The following CNTN1 variants were observed in gnomAD, a reference collection of about 807,000 sequenced individuals.
The protein encoded by CNTN1 is contactin-1.
A neutral mutation model predicts 126.4 loss-of-function variants in CNTN1; 38 were observed. The ratio of observed to expected loss-of-function variants is 0.30; its 90% CI spans 0.23 to 0.39. CNTN1 has a LOEUF of 0.39. Among genes scored for constraint, CNTN1 ranks in the 10% least tolerant of loss-of-function variants. The probability of loss-of-function intolerance (pLI) is 1.00; values close to 1 mark genes in which losing one functional copy is unlikely to be tolerated. For synonymous variants in CNTN1, 413 were observed against 422.6 expected (o/e 0.98, Z 0.28); for missense variants, 1,009 against 1,248.4 (o/e 0.81, Z 2.89).
chr12:40,803,319 T>A (rs984582189), intron 1 of CNTN1, among the ~76,000 whole-genome samples: 1 of 151,990 alleles, frequency 6.6e-6, no homozygotes, highest in Non-Finnish European at 1.5e-5. Flanking sequence ...GAGTTATTCA[T>A]TTGTAAACTG....
At chr12:40,832,388 T>C (rs887238205) in intron 1 of CNTN1, among the ~76,000 whole-genome samples, 1 of 152,198 alleles carries the variant, frequency 6.6e-6, no homozygotes, top group African/African-American at 2.4e-5. Context: ...CATTACCTTT[T>C]TTCTATGTTT....
At chr12:40,824,733 C>T (rs1481581488) in intron 1 of CNTN1, among the ~76,000 whole-genome samples, 1 of 152,116 alleles carries the variant, frequency 6.6e-6, no homozygotes, top group Non-Finnish European at 1.5e-5. Flanking sequence ...ATTTGACAAA[C>T]ATTAAAGCCC....
chr12:40,852,022 G>C (rs940299282), intron 1 of CNTN1, among the ~76,000 whole-genome samples: 1 of 152,126 alleles, frequency 6.6e-6, no homozygotes, highest in African/African-American at 2.4e-5. Flanking sequence ...CAACTGGCTT[G>C]AACTGGACAG....
In CNTN1 at chr12:40,929,973, A is replaced by C. The variant is rs1350465079; in HGVS notation, c.674A>C (p.Lys225Thr). The C allele has an allele frequency of 6.2e-7, 1 of 1,612,478 alleles. No individual in the cohort carries two copies. The highest frequency in any genetic ancestry group is 1.7e-5 in the Admixed American group (1 of 59,918). Residue 225 changes from lysine to threonine, a missense_variant, in exon 7 of 24, where the codon AAA becomes ACA. Transcript: ENST00000551295. ...TCTATTACAAAGAGCGTGTTCAGCA[A>C]ATTCATCCCACTCATTCCAATACCT... is the stretch of plus-strand genomic sequence containing the variant. ...SPSITKSVFS[K>T]FIPLIPIPER...
chr12:41,049,940 C>G (rs1220955231), intron 23 of CNTN1, among the ~76,000 whole-genome samples: 1 of 152,196 alleles, frequency 6.6e-6, no homozygotes, highest in Non-Finnish European at 1.5e-5. Context: ...CTCTATCACC[C>G]AGTCTGGAGT....
intron 1 of CNTN1, among the ~76,000 whole-genome samples, chr12:40,746,336 T>C (rs1192283742): frequency 2.0e-5 from 3 of 152,124 alleles, no homozygotes; most frequent in Non-Finnish European, 4.4e-5. Context: ...GAATCAACCA[T>C]ATAAGCCATT....
Position 40,698,321 on chromosome 12 carries a change from C to G in CNTN1, c.-77+5729C>G, listed in dbSNP as rs550001852. ...CGTGATCTCAGCTCACTGCAAGCTC[C>G]GCCTCCTGGGTTCACATTATTTTCC... On this transcript the variant is annotated intron_variant, in intron 1 of 23. Coordinates refer to ENST00000551295, the MANE Select transcript of CNTN1 (RefSeq NM_001843.4). Among the ~76,000 whole-genome samples the G allele has an allele frequency of 2.0e-5, 3 of 149,440 alleles. No individual in the cohort carries two copies. In the South Asian group the frequency reaches 6.4e-4, roughly 32 times the overall value.
At chr12:40,943,564 G>A in intron 12 of CNTN1, 33 bp from the exon 13 acceptor site, 2 of 1,472,380 alleles carry the variant, frequency 1.4e-6, no homozygotes, top group Non-Finnish European at 1.9e-6. Context: ...ACTAAATCAG[G>A]TTTGTGAATT....
intron 15 of CNTN1, among the ~76,000 whole-genome samples, chr12:40,962,517 T>C (rs1015202477): frequency 2.6e-5 from 4 of 152,092 alleles, no homozygotes; most frequent in African/African-American, 4.8e-5. Flanking sequence ...ATGGGGCCTT[T>C]TACTGAGAGA....
chr12:40,913,568 T>C lies in CNTN1; in HGVS notation c.94+3463T>C, dbSNP rs148658498. 2.7e-3 allele frequency among the ~76,000 whole-genome samples: 405 copies of C among 152,294 alleles called. 2 individuals are homozygous for C. Among genetic ancestry groups the C allele is most frequent in the African/African-American group, 8.7e-3 (362 of 41,552 alleles). On this transcript the variant is annotated intron_variant, in intron 3 of 23. Coordinates refer to ENST00000551295, the MANE Select transcript of CNTN1 (RefSeq NM_001843.4). ...CTAACTAACAGATTGAGGTGACATATAATAGACTGGGAAGTGGAGTTTGTC... is the reference window on the plus strand; with the variant it reads ...CTAACTAACAGATTGAGGTGACATACAATAGACTGGGAAGTGGAGTTTGTC...
chr12:40,786,630 G>A (rs1394614718), intron 1 of CNTN1, among the ~76,000 whole-genome samples: 1 of 152,102 alleles, frequency 6.6e-6, no homozygotes, highest in African/African-American at 2.4e-5. Flanking sequence ...AAGGGAAACT[G>A]AAGCAGGATA....
At chr12:41,054,294 CAT>C (rs1949754648) in intron 23 of CNTN1, among the ~76,000 whole-genome samples, 1 of 151,788 alleles carries the variant, frequency 6.6e-6, no homozygotes, top group African/African-American at 2.4e-5. Context: ...CACTAGTAAA[CAT>C]AGTATTATAC....
At chr12:40,699,757 A>AT (rs1194871440) in intron 1 of CNTN1, among the ~76,000 whole-genome samples, 3 of 144,074 alleles carry the variant, frequency 2.1e-5, no homozygotes, top group Admixed American at 7.0e-5. Context: ...ACATTTACAG[A>AT]TAAAAAAAAA....
At chr12:40,721,490 A>G (rs1942210831) in intron 1 of CNTN1, among the ~76,000 whole-genome samples, 1 of 152,060 alleles carries the variant, frequency 6.6e-6, no homozygotes, top group Admixed American at 6.6e-5. Context: ...TAATATATTC[A>G]TTTTTATAAT....
chr12:40,884,712 A>G (rs1353881140), intron 1 of CNTN1, among the ~76,000 whole-genome samples: 2 of 151,598 alleles, frequency 1.3e-5, no homozygotes, highest in Non-Finnish European at 3.0e-5. Context: ...ATGTTCATTC[A>G]TGTAAGTTTA....
intron 1 of CNTN1, among the ~76,000 whole-genome samples, chr12:40,740,077 G>A (rs749220520): frequency 1.6e-4 from 25 of 151,780 alleles, no homozygotes; most frequent in Non-Finnish European, 3.2e-4. Context: ...AACTCATAAG[G>A]GTAAATAAAT....
intron 3 of CNTN1, 138 bp downstream of exon 3, chr12:40,910,243 T>G (rs1335770883): frequency 1.5e-6 from 1 of 647,764 alleles, no homozygotes; most frequent in African/African-American, 1.8e-5. Context: ...TGTAAGGTGG[T>G]CTTTCTGAGA....
intron 14 of CNTN1, among the ~76,000 whole-genome samples, chr12:40,953,446 T>C (rs1946759090): frequency 6.6e-6 from 1 of 152,160 alleles, no homozygotes; most frequent in Non-Finnish European, 1.5e-5. Flanking sequence ...AAAGTGCTAG[T>C]AGTATTTACA....
At chr12:40,945,917 C>T (rs1946421309) in intron 14 of CNTN1, among the ~76,000 whole-genome samples, 1 of 152,024 alleles carries the variant, frequency 6.6e-6, no homozygotes, top group South Asian at 2.1e-4. Context: ...GGCTCACCAC[C>T]TCAGGTTTCA....
Sources: allele counts gnomAD v4.1 joint callset (sites outside exome capture counted in the v4.1 genomes callset), GRCh38; gene constraint gnomAD v4.1.1; transcripts MANE v1.5; gene names NCBI Gene and HGNC (gene_info 2026-07-23, HGNC 2026-07-21).